Variants in DLGAP2 observed in about 807,000 individuals in gnomAD.
DLGAP2 encodes disks large-associated protein 2.
Under a neutral mutation model 100.3 loss-of-function variants are expected in DLGAP2, and 26 were observed. The ratio of observed to expected loss-of-function variants is 0.26; its 90% CI spans 0.19 to 0.36. The LOEUF is 0.36. DLGAP2 is among the 10% of genes least tolerant of loss of function. DLGAP2 has a pLI of 1.00. For synonymous variants in DLGAP2, 886 were observed against 630.1 expected (o/e 1.41, Z -6.08); for missense variants, 1,858 against 1,453.2 (o/e 1.28, Z -4.53).
chr8:1,198,116 G>A (rs1453982958), intron 2 of DLGAP2, among the ~76,000 whole-genome samples: 1 of 147,434 alleles, frequency 6.8e-6, no homozygotes, highest in African/African-American at 2.7e-5. Flanking sequence ...GTACGTGTGT[G>A]CGTGTGTGCG....
intron 2 of DLGAP2, among the ~76,000 whole-genome samples, chr8:1,111,202 A>G (rs1265042917): frequency 3.3e-5 from 5 of 152,130 alleles, no homozygotes. Flanking sequence ...GAAAACATGG[A>G]GAGAGGTGGC....
chr8:812,224 G>A (rs967841537), intron 1 of DLGAP2, among the ~76,000 whole-genome samples: 3 of 152,196 alleles, frequency 2.0e-5, no homozygotes, highest in Non-Finnish European at 2.9e-5. Context: ...TGGTACTGCA[G>A]CGAGGGTTCG....
At chr8:1,574,768 T>C (rs1236363156) in intron 6 of DLGAP2, among the ~76,000 whole-genome samples, 1 of 152,158 alleles carries the variant, frequency 6.6e-6, no homozygotes, top group African/African-American at 2.4e-5. Flanking sequence ...AAAGCAGAAA[T>C]TGTATATGGT....
intron 3 of DLGAP2, among the ~76,000 whole-genome samples, chr8:1,269,530 C>G (rs148612301): frequency 2.0e-5 from 3 of 152,200 alleles, no homozygotes; most frequent in Non-Finnish European, 4.4e-5. Flanking sequence ...ACCCCCTCAA[C>G]CCTGAAACCC....
At chr8:886,411 A>G (rs1272934236) in intron 1 of DLGAP2, among the ~76,000 whole-genome samples, 1 of 151,816 alleles carries the variant, frequency 6.6e-6, no homozygotes, top group Non-Finnish European at 1.5e-5. Flanking sequence ...GTCTTCTGCT[A>G]GCTTTTGGAT....
At chr8:1,467,187 A>C (rs991416929) in intron 3 of DLGAP2, among the ~76,000 whole-genome samples, 2 of 140,400 alleles carry the variant, frequency 1.4e-5, no homozygotes, top group Non-Finnish European at 2.9e-5. Context: ...GCAGGGGCCC[A>C]GGAGGTCTCT....
intron 3 of DLGAP2, among the ~76,000 whole-genome samples, chr8:1,380,732 A>G (rs1585318571): frequency 1.3e-5 from 2 of 152,126 alleles, no homozygotes; most frequent in East Asian, 3.9e-4. Flanking sequence ...CACGCTTGCG[A>G]AAGTCATGAC....
At chr8:1,663,654 G>A (rs557731994) in intron 8 of DLGAP2, among the ~76,000 whole-genome samples, 44 of 152,240 alleles carry the variant, frequency 2.9e-4, no homozygotes, top group African/African-American at 9.6e-4. Context: ...GGTTAACTTC[G>A]ACTCACAGGG....
At chr8:1,579,066 T>G (rs1803114529) in intron 6 of DLGAP2, among the ~76,000 whole-genome samples, 1 of 152,276 alleles carries the variant, frequency 6.6e-6, no homozygotes, top group East Asian at 1.9e-4. Context: ...CTTGAATAAC[T>G]AATTCAATTC....
chr8:1,551,479 C>A (rs1801764588), intron 5 of DLGAP2, among the ~76,000 whole-genome samples: 1 of 152,176 alleles, frequency 6.6e-6, no homozygotes, highest in East Asian at 1.9e-4. Flanking sequence ...GCCTTCTCCA[C>A]AGGTCCTGTG....
intron 2 of DLGAP2, among the ~76,000 whole-genome samples, chr8:1,099,592 T>C (rs1804511834): frequency 6.6e-6 from 1 of 152,160 alleles, no homozygotes; most frequent in South Asian, 2.1e-4. Flanking sequence ...TTAGGAAAAG[T>C]GTTCGGATGT....
At chr8:1,219,922 G>A (rs898058725) in intron 2 of DLGAP2, among the ~76,000 whole-genome samples, 1 of 151,776 alleles carries the variant, frequency 6.6e-6, no homozygotes, top group African/African-American at 2.4e-5. Flanking sequence ...AATAGTCTCT[G>A]GGAGCTTTTT....
At chr8:1,653,466 C>T (rs868478463) in intron 8 of DLGAP2, among the ~76,000 whole-genome samples, 1 of 152,210 alleles carries the variant, frequency 6.6e-6, no homozygotes, top group African/African-American at 2.4e-5. Context: ...CCACAGGTGT[C>T]GTTCATGCTC....
chr8:1,275,734 T>C (rs1438113645), intron 3 of DLGAP2, among the ~76,000 whole-genome samples: 1 of 134,444 alleles, frequency 7.4e-6, no homozygotes, highest in Admixed American at 8.8e-5. Context: ...ATATAAAATA[T>C]ATGTAATATA....
rs548078987 is a variant in DLGAP2 at position 1,500,918 on chromosome 8, C to T, written c.107-448C>T. 3.2e-4 allele frequency among the ~76,000 whole-genome samples: 48 copies of T among 152,296 alleles called. 1 individual carries two copies. The South Asian group carries it at 3.3e-3, about 11-fold the overall frequency. ...CTTTGAACATTGCAAAATGAGGCTTCGAATGGCATGAAGCTTTCTAGACCG... is the reference window on the plus strand; with the variant it reads ...CTTTGAACATTGCAAAATGAGGCTTTGAATGGCATGAAGCTTTCTAGACCG... On this transcript the variant is annotated intron_variant, in intron 3 of 14. Transcript: ENST00000637795.
chr8:1,045,676 G>A (rs529112214), intron 2 of DLGAP2, among the ~76,000 whole-genome samples: 6 of 152,244 alleles, frequency 3.9e-5, no homozygotes, highest in Admixed American at 6.5e-5. Context: ...CCTTCTATTC[G>A]CTGCTTCTGT....
At chr8:1,130,910 C>T (rs188472218) in intron 2 of DLGAP2, among the ~76,000 whole-genome samples, 75 of 152,046 alleles carry the variant, frequency 4.9e-4, no homozygotes, top group African/African-American at 1.6e-3. Flanking sequence ...GCTGAGAGAC[C>T]GGAGACGGGC....
chr8:899,679 A>T lies in DLGAP2; in HGVS notation c.19-8233A>T, dbSNP rs567124297. ...CTATACATCTCATCTCATAGCTTGT[A>T]ATGCCACATATTCTAGAAACAAACC... On this transcript the variant is annotated intron_variant, in intron 1 of 14. Coordinates refer to ENST00000637795, the MANE Select transcript of DLGAP2 (RefSeq NM_001346810.2). 5.9e-5 allele frequency among the ~76,000 whole-genome samples: 9 copies of T among 152,376 alleles called. No individual in the cohort carries two copies. The South Asian group carries it at 1.7e-3, about 28-fold the overall frequency.
At chr8:1,194,030 A>G (rs1797697689) in intron 2 of DLGAP2, among the ~76,000 whole-genome samples, 1 of 152,088 alleles carries the variant, frequency 6.6e-6, no homozygotes, top group African/African-American at 2.4e-5. Context: ...ACCGGGACCA[A>G]ATCCACGTAC....
Sources: allele counts gnomAD v4.1 joint callset (sites outside exome capture counted in the v4.1 genomes callset), GRCh38; gene constraint gnomAD v4.1.1; transcripts MANE v1.5; gene names NCBI Gene and HGNC (gene_info 2026-07-23, HGNC 2026-07-21).